Variants in DNAH3 observed in about 807,000 individuals in gnomAD.
DNAH3 encodes axonemal beta dynein heavy chain 3.
DNAH3 carries 332 observed loss-of-function variants against 432.5 expected under a neutral mutation model. That is an observed-to-expected ratio of 0.77 (90% CI 0.70 to 0.84). The LOEUF (loss-of-function observed/expected upper bound fraction) is 0.84, where lower values mean the gene tolerates loss of function less well. DNAH3 is among the 40% of genes least tolerant of loss of function. The pLI is 0.00. For missense variants in DNAH3, 4,861 were observed against 5,114.0 expected (o/e 0.95, Z 1.51); for synonymous variants, 1,956 against 1,900.2 (o/e 1.03, Z -0.76).
chr16:20,957,685 G>T (rs1032937742), intron 54 of DNAH3, among the ~76,000 whole-genome samples: 2 of 151,626 alleles, frequency 1.3e-5, no homozygotes, highest in Admixed American at 6.6e-5. Flanking sequence ...GGTGGTGCAT[G>T]CCTGTAGTAG....
At chr16:21,034,450 A>T (rs188240544) in intron 35 of DNAH3, among the ~76,000 whole-genome samples, 1 of 152,374 alleles carries the variant, frequency 6.6e-6, no homozygotes, top group East Asian at 1.9e-4. Context: ...TCAGTGATGG[A>T]GCCAGAATTT....
chr16:21,073,607 A>G (rs1466349355), intron 21 of DNAH3, among the ~76,000 whole-genome samples: 1 of 152,140 alleles, frequency 6.6e-6, no homozygotes, highest in African/African-American at 2.4e-5. Flanking sequence ...AAGGCCTTGG[A>G]AGCAAGATCT....
At chr16:21,074,539 C>T (rs927435184) in intron 21 of DNAH3, among the ~76,000 whole-genome samples, 1 of 151,940 alleles carries the variant, frequency 6.6e-6, no homozygotes, top group African/African-American at 2.4e-5. Flanking sequence ...CATGATGAAA[C>T]CCCATCTCTA....
At chr16:21,098,142 G>T (rs538087674) in intron 17 of DNAH3, among the ~76,000 whole-genome samples, 2 of 152,154 alleles carry the variant, frequency 1.3e-5, no homozygotes, top group African/African-American at 4.8e-5. Context: ...ATGGGAAAAG[G>T]TAGTTGAAAG....
In DNAH3 at chr16:20,982,914, C is replaced by T. The variant is rs188864855; in HGVS notation, c.7666G>A (p.Val2556Ile). 175 of 1,612,712 alleles carry T rather than the reference C, an allele frequency of 1.1e-4. 1 individual carries two copies. In the East Asian group the frequency reaches 3.6e-3, roughly 33 times the overall value. ...AATGAAAAGGAGATTTTGTTAATTA[C>T]CTTCCTCCAAGGCAGGTGGACCCAA... Residue 2556 changes from valine to isoleucine, a missense_variant and splice_region_variant, in exon 49 of 62, where the codon GTA (valine) becomes ATA (isoleucine). Transcript: ENST00000261383.
At chr16:21,024,656 G>C in exon 39 of DNAH3, 1 of 1,613,682 alleles carries the variant, frequency 6.2e-7, no homozygotes, top group Non-Finnish European at 8.5e-7. Flanking sequence ...AATCCTTCAG[G>C]GGCTTCCAGC....
intron 15 of DNAH3, among the ~76,000 whole-genome samples, chr16:21,105,261 T>C (rs1243068026): frequency 2.0e-5 from 3 of 152,176 alleles, no homozygotes; most frequent in Non-Finnish European, 2.9e-5. Context: ...CATCCATACA[T>C]TGTGAACACC....
intron 31 of DNAH3, among the ~76,000 whole-genome samples, chr16:21,044,173 T>A (rs1249249972): frequency 3.2e-5 from 4 of 123,662 alleles, no homozygotes; most frequent in Non-Finnish European, 6.7e-5. Flanking sequence ...TTTGGTTCCA[T>A]ATGAACTTTA....
At chr16:20,962,622 T>C (rs1486513684) in intron 53 of DNAH3, among the ~76,000 whole-genome samples, 3 of 152,168 alleles carry the variant, frequency 2.0e-5, no homozygotes, top group African/African-American at 4.8e-5. Flanking sequence ...TGAAGTTTCC[T>C]GTGGAATCAT....
rs2087287905 is a variant in DNAH3, at chr16:21,006,054, A to G, written c.6023-2847T>C. ...CTGTATCTTTGTATATATTATTTAT[A>G]CTATTGATTGGAGTTCTTAAGGAAC... is the stretch of plus-strand genomic sequence containing the variant. On this transcript the variant is annotated intron_variant, in intron 41 of 61. Coordinates refer to ENST00000261383, the Ensembl canonical transcript of DNAH3. Among the ~76,000 whole-genome samples the G allele has an allele frequency of 2.0e-5, 3 of 152,150 alleles. No individual in the cohort carries two copies. In the South Asian group the frequency reaches 6.2e-4, roughly 32 times the overall value.
intron 25 of DNAH3, among the ~76,000 whole-genome samples, chr16:21,060,649 C>T (rs1160871726): frequency 2.7e-5 from 4 of 150,360 alleles, no homozygotes; most frequent in Admixed American, 2.0e-4. Context: ...CTCAGCCTCC[C>T]GAGTAGCTGG....
rs2083598857 is a variant in DNAH3 at position 20,936,631 on chromosome 16, C to T, written c.11859+18G>A. 6.4e-7 allele frequency: 1 copy of T among 1,574,184 alleles called. No individual in the cohort carries two copies. The highest frequency in any genetic ancestry group is 8.6e-7 in the Non-Finnish European group (1 of 1,158,466). The stretch of plus-strand genomic sequence containing the variant: ...AGCAAGCATGCCAGGTTCCCGGTTA[C>T]CCCTGACTCCCAGGTACCTGGAAGA... On this transcript the variant is annotated intron_variant, in intron 60 of 61. Coordinates refer to ENST00000261383, the Ensembl canonical transcript of DNAH3.
exon 53 of DNAH3, chr16:20,964,683 G>A (rs1161307717): frequency 1.2e-6 from 2 of 1,614,192 alleles, no homozygotes; most frequent in African/African-American, 2.7e-5. Context: ...TGATGCCATT[G>A]TCGATGGAGA....
intron 1 of DNAH3, among the ~76,000 whole-genome samples, chr16:21,156,428 C>T (rs542372960): frequency 1.3e-5 from 2 of 151,992 alleles, no homozygotes; most frequent in South Asian, 2.1e-4. Context: ...GAAGAGGTTT[C>T]GCCATGTTGC....
At chr16:20,948,399 C>T in intron 57 of DNAH3, 84 bp downstream of exon 57, 1 of 1,423,446 alleles carries the variant, frequency 7.0e-7, no homozygotes, top group Non-Finnish European at 9.5e-7. Context: ...CCTGGGATCC[C>T]TGGCTACACT....
intron 19 of DNAH3, among the ~76,000 whole-genome samples, chr16:21,083,762 C>T (rs1270463059): frequency 6.6e-6 from 1 of 152,152 alleles, no homozygotes; most frequent in Non-Finnish European, 1.5e-5. Flanking sequence ...GGCATCAGGG[C>T]AGAGAATGAC....
At chr16:20,951,738 ATTTTTTTTTTTTTTT>A (rs869256566) in intron 56 of DNAH3, among the ~76,000 whole-genome samples, 1 of 73,462 alleles carries the variant, frequency 1.4e-5, no homozygotes, top group Non-Finnish European at 2.7e-5. Flanking sequence ...CCTGGCCCGT[ATTTTTTTTTTTTTTT>A]TTTTTTTTTG....
At chr16:21,055,151 AT>A (rs1214555233) in intron 27 of DNAH3, among the ~76,000 whole-genome samples, 2 of 151,636 alleles carry the variant, frequency 1.3e-5, no homozygotes, top group Non-Finnish European at 2.9e-5. Flanking sequence ...TTATTTATTT[AT>A]TTTGAGACAG....
chr16:21,113,282 T>C (rs1218725238), intron 12 of DNAH3, among the ~76,000 whole-genome samples: 2 of 152,140 alleles, frequency 1.3e-5, no homozygotes, highest in Non-Finnish European at 2.9e-5. Context: ...CATGTTATTC[T>C]CATGGTAGTG....
Sources: gnomAD v4.1 joint callset for allele counts (sites outside exome capture counted in the v4.1 genomes callset) on GRCh38, gnomAD v4.1.1 for gene constraint, MANE v1.5 for transcripts, NCBI Gene and HGNC (gene_info 2026-07-23, HGNC 2026-07-21) for gene names.